SYTL5: variants seen among roughly 807,000 people sequenced by gnomAD.
SYTL5 encodes synaptotagmin-like protein 5.
SYTL5 carries 34 observed loss-of-function variants against 55.9 expected under a neutral mutation model. The observed-to-expected ratio is 0.61, with a 90% CI of 0.46 to 0.81. The LOEUF is 0.81. Ranked by LOEUF, SYTL5 falls within the 30% of genes least tolerant of loss-of-function variation. The pLI is 0.00. For missense variants in SYTL5, 637 were observed against 546.7 expected (o/e 1.17, Z -1.65); for synonymous variants, 221 against 188.7 (o/e 1.17, Z -1.40).
upstream of SYTL5, among the ~76,000 whole-genome samples, chrX:38,005,682 G>T (rs1933970087): frequency 1.8e-5 from 2 of 110,893 alleles, no homozygotes; most frequent in African/African-American, 6.5e-5. Flanking sequence ...TGAAAAAAAT[G>T]GAACAAAACA....
chrX:37,998,342 A>G, the SYTL5 span, among the ~76,000 whole-genome samples: 1 of 112,026 alleles, frequency 8.9e-6, no homozygotes, highest in Non-Finnish European at 1.9e-5. Context: ...GGGAGCCCAG[A>G]CCTGAGAACT....
chrX:37,964,247 T>G, the SYTL5 span, among the ~76,000 whole-genome samples: 1 of 111,796 alleles, frequency 8.9e-6, no homozygotes, highest in African/African-American at 3.2e-5. Flanking sequence ...AGACCTTCAC[T>G]AGACAAAAAA....
chrX:37,997,708 C>A, the SYTL5 span, among the ~76,000 whole-genome samples: 1 of 112,454 alleles, frequency 8.9e-6, no homozygotes, highest in African/African-American at 3.2e-5. Context: ...GTGCCATGAA[C>A]GGCAGCAGGA....
rs1935030532 is a variant in SYTL5 at position 38,033,873 on chromosome X, G to A, written c.-17G>A. On this transcript the variant is annotated 5_prime_UTR_variant, in exon 2 of 17. Transcript: ENST00000297875. The stretch of plus-strand genomic sequence containing the variant: ...GAAGATTCAACCACTGCTACTCAGA[G>A]CTGCTGCTGAAATACCATGTCTAAG... 2 of 1,016,443 alleles carry A rather than the reference G, an allele frequency of 2.0e-6. No homozygotes were observed. The highest frequency in any genetic ancestry group is 1.4e-6 in the Non-Finnish European group (1 of 726,228). 83.8% of individuals were successfully genotyped at this position (1,016,443 alleles called of 1,213,427 possible).
At chrX:37,992,466 A>T in the SYTL5 span, among the ~76,000 whole-genome samples, 2 of 112,834 alleles carry the variant, frequency 1.8e-5, no homozygotes, top group African/African-American at 6.4e-5. Context: ...TGGACATGTG[A>T]TATTAGACCT....
intron 16 of SYTL5, among the ~76,000 whole-genome samples, chrX:38,125,920 C>A (rs1937634504): frequency 9.0e-6 from 1 of 111,664 alleles, no homozygotes; most frequent in Non-Finnish European, 1.9e-5. Flanking sequence ...CCAGCACTTG[C>A]AGCTATTATT....
the SYTL5 span, among the ~76,000 whole-genome samples, chrX:37,972,574 G>A: frequency 1.8e-5 from 2 of 111,271 alleles, no homozygotes; most frequent in Non-Finnish European, 3.8e-5. Flanking sequence ...TATTGTTGAC[G>A]AAAAGAGTCA....
chrX:37,992,383 G>C, the SYTL5 span, among the ~76,000 whole-genome samples: 2 of 113,127 alleles, frequency 1.8e-5, no homozygotes, highest in African/African-American at 6.4e-5. Context: ...CAGAGGGTTG[G>C]TCAGAGGCTG....
At chrX:38,084,799 T>G (rs1025113227) in intron 6 of SYTL5, among the ~76,000 whole-genome samples, 5 of 111,579 alleles carry the variant, frequency 4.5e-5, no homozygotes, top group African/African-American at 1.3e-4. Flanking sequence ...AACTTTGCTC[T>G]CAGAACATGG....
chrX:38,115,121 G>C (rs761361254), intron 13 of SYTL5, among the ~76,000 whole-genome samples: 3 of 111,688 alleles, frequency 2.7e-5, no homozygotes, highest in South Asian at 7.5e-4. Flanking sequence ...TGGACAATTA[G>C]GTTGTTTCTA....
At chrX:38,100,496 C>A (rs1937055414) in intron 9 of SYTL5, among the ~76,000 whole-genome samples, 1 of 111,139 alleles carries the variant, frequency 9.0e-6, no homozygotes, top group Admixed American at 9.5e-5. Flanking sequence ...AAATTTTGAA[C>A]AAGTATTTCA....
chrX:38,024,105 T>C (rs1237817410), intron 1 of SYTL5: 3 of 110,977 alleles, frequency 2.7e-5, no homozygotes, highest in Non-Finnish European at 5.7e-5. Context: ...TTTGTTGAAC[T>C]ACATCACTTG....
At chrX:38,078,503 A>G (rs1032920725) in intron 6 of SYTL5, among the ~76,000 whole-genome samples, 1 of 108,102 alleles carries the variant, frequency 9.3e-6, no homozygotes, top group South Asian at 4.1e-4. Context: ...CTCATGATCC[A>G]CCCGCCTCGG....
intron 1 of SYTL5, among the ~76,000 whole-genome samples, chrX:38,022,512 G>C (rs184779290): frequency 1.8e-5 from 2 of 111,485 alleles, no homozygotes; most frequent in East Asian, 5.6e-4. Flanking sequence ...GCATTCCTTG[G>C]CTTGTGGCTG....
At chrX:37,969,494 C>T in the SYTL5 span, among the ~76,000 whole-genome samples, 3 of 111,632 alleles carry the variant, frequency 2.7e-5, no homozygotes, top group South Asian at 7.5e-4. Context: ...CGAGATATAA[C>T]AGGCATGCAG....
chrX:37,910,268 C>A, the SYTL5 span, among the ~76,000 whole-genome samples: 2 of 111,944 alleles, frequency 1.8e-5, no homozygotes, highest in African/African-American at 6.5e-5. Context: ...CATCTTCCCC[C>A]TGTATCTTTA....
chrX:37,997,869 C>A, the SYTL5 span, among the ~76,000 whole-genome samples: 6 of 112,291 alleles, frequency 5.3e-5, no homozygotes, highest in African/African-American at 1.9e-4. Context: ...ACCCGTGGAC[C>A]AGTCAGCATA....
chrX:38,028,007 T>G (rs1934835336), intron 1 of SYTL5, among the ~76,000 whole-genome samples: 1 of 110,355 alleles, frequency 9.1e-6, no homozygotes, highest in Admixed American at 9.7e-5. Flanking sequence ...GTATTTTTAG[T>G]AGAGATGGGG....
chrX:37,996,685 G>C, the SYTL5 span, among the ~76,000 whole-genome samples: 1 of 111,984 alleles, frequency 8.9e-6, no homozygotes, highest in Non-Finnish European at 1.9e-5. Flanking sequence ...CGCAAGGCCT[G>C]GTTATCAGGC....
Sources: gnomAD v4.1 joint callset for allele counts (sites outside exome capture counted in the v4.1 genomes callset) on GRCh38, gnomAD v4.1.1 for gene constraint, MANE v1.5 for transcripts, NCBI Gene and HGNC (gene_info 2026-07-23, HGNC 2026-07-21) for gene names.